The following ANO4 variants were observed in gnomAD, a reference collection of about 807,000 sequenced individuals.
ANO4 encodes anoctamin-4.
A neutral mutation model predicts 141.9 loss-of-function variants in ANO4; 69 were observed. The ratio of observed to expected loss-of-function variants is 0.49; its 90% CI spans 0.40 to 0.59. The LOEUF (loss-of-function observed/expected upper bound fraction) is 0.59. Among genes scored for constraint, ANO4 ranks in the 20% least tolerant of loss-of-function variants. The probability of loss-of-function intolerance (pLI) is 0.00; values close to 1 mark genes in which losing one functional copy is unlikely to be tolerated. For synonymous variants in ANO4, 350 were observed against 394.3 expected (o/e 0.89, Z 1.33); for missense variants, 894 against 1,162.2 (o/e 0.77, Z 3.36).
chr12:100,768,410 G>A (rs78484234), intron 3 of ANO4, among the ~76,000 whole-genome samples: 2,575 of 152,282 alleles, frequency 0.017, 36 homozygotes, highest in Non-Finnish European at 0.027. Flanking sequence ...CTTGACTCTT[G>A]TGAAGGTATT....
chr12:100,938,825 T>G (rs1352128010), intron 3 of ANO4, among the ~76,000 whole-genome samples: 1 of 152,192 alleles, frequency 6.6e-6, no homozygotes, highest in Admixed American at 6.5e-5. Context: ...CTGTTCTGTC[T>G]TAGAGAAGTA....
chr12:101,023,418 C>T (rs2046612134), intron 9 of ANO4, among the ~76,000 whole-genome samples: 1 of 152,192 alleles, frequency 6.6e-6, no homozygotes, highest in African/African-American at 2.4e-5. Context: ...TGCCTGGAAT[C>T]CCAGAACTTT....
At chr12:101,118,610 A>G (rs1178041997) in intron 25 of ANO4, among the ~76,000 whole-genome samples, 1 of 152,206 alleles carries the variant, frequency 6.6e-6, no homozygotes, top group Non-Finnish European at 1.5e-5. Flanking sequence ...ACCTGGGAAG[A>G]ATATTTGGTA....
intron 1 of ANO4, among the ~76,000 whole-genome samples, chr12:100,880,203 A>G (rs959866878): frequency 6.6e-6 from 1 of 152,156 alleles, no homozygotes; most frequent in Non-Finnish European, 1.5e-5. Context: ...AGTTTGAAGA[A>G]CATCTCAAAA....
chr12:100,962,055 T>C (rs2043448312), intron 5 of ANO4, among the ~76,000 whole-genome samples: 1 of 152,202 alleles, frequency 6.6e-6, no homozygotes, highest in Admixed American at 6.5e-5. Context: ...TAATGAAATG[T>C]GTGAAGATTT....
At chr12:101,068,317 C>A in intron 14 of ANO4, 1 of 1,276,180 alleles carries the variant, frequency 7.8e-7, no homozygotes. Context: ...AGGCTGACTT[C>A]AATGGTCCTT....
intron 25 of ANO4, among the ~76,000 whole-genome samples, chr12:101,119,121 T>C (rs1454561395): frequency 6.6e-6 from 1 of 152,054 alleles, no homozygotes; most frequent in South Asian, 2.1e-4. Context: ...CTATCATTGA[T>C]GGAGCTTTCT....
intron 3 of ANO4, among the ~76,000 whole-genome samples, chr12:100,784,562 G>A (rs115557695): frequency 9.2e-5 from 14 of 152,202 alleles, no homozygotes; most frequent in African/African-American, 3.4e-4. Context: ...TGATTCTCTC[G>A]TTTTTACTCT....
At chr12:100,867,422 G>A (rs1307418681) in intron 1 of ANO4, among the ~76,000 whole-genome samples, 1 of 152,154 alleles carries the variant, frequency 6.6e-6, no homozygotes, top group Non-Finnish European at 1.5e-5. Context: ...TCCAAAGGCA[G>A]GAGAAAACTG....
intron 1 of ANO4, among the ~76,000 whole-genome samples, chr12:100,728,100 A>G (rs1035829212): frequency 2.6e-5 from 4 of 152,068 alleles, no homozygotes; most frequent in African/African-American, 9.7e-5. Context: ...ATTATTTTAT[A>G]TTGACAGTAG....
intron 24 of ANO4, among the ~76,000 whole-genome samples, chr12:101,112,792 A>G (rs2050711684): frequency 6.6e-6 from 1 of 152,250 alleles, no homozygotes. Flanking sequence ...AAAGCTCACA[A>G]TCCAGTTATT....
At chr12:100,733,344 A>G (rs1482129830) in intron 1 of ANO4, among the ~76,000 whole-genome samples, 1 of 151,922 alleles carries the variant, frequency 6.6e-6, no homozygotes, top group African/African-American at 2.4e-5. Flanking sequence ...CCCTCAATTC[A>G]TCCACTTTTT....
intron 2 of ANO4, among the ~76,000 whole-genome samples, chr12:100,911,517 T>TG (rs1233292353): frequency 1.3e-5 from 2 of 152,236 alleles, no homozygotes; most frequent in African/African-American, 4.8e-5. Flanking sequence ...TTTCCTTCAG[T>TG]GTAAGTGATG....
chr12:100,832,401 T>C (rs1375753229), intron 1 of ANO4, among the ~76,000 whole-genome samples: 1 of 151,982 alleles, frequency 6.6e-6, no homozygotes, highest in Admixed American at 6.6e-5. Flanking sequence ...AGCAAAACAA[T>C]AGTTTCTGTG....
At chr12:100,986,430 G>A (rs766314459) in intron 7 of ANO4, among the ~76,000 whole-genome samples, 1 of 152,040 alleles carries the variant, frequency 6.6e-6, no homozygotes, top group Non-Finnish European at 1.5e-5. Flanking sequence ...ACCTGTGTTG[G>A]TGAGGACCAA....
intron 13 of ANO4, among the ~76,000 whole-genome samples, chr12:101,045,980 C>G (rs1350265284): frequency 6.6e-6 from 1 of 152,142 alleles, no homozygotes; most frequent in Non-Finnish European, 1.5e-5. Context: ...CCATATATTT[C>G]ATTATTTTGG....
At position 101,088,426 on chromosome 12, in the gene ANO4, C is replaced by T. The variant is rs186526208; in HGVS notation, c.1701+1602C>T. Among the ~76,000 whole-genome samples, 251 of 152,166 alleles carry T rather than the reference C, an allele frequency of 1.6e-3. 1 individual carries two copies. The highest frequency in any genetic ancestry group is 3.4e-3 in the Middle Eastern group (1 of 294). ...TTTTTTCTATAGCATTTATCACCAT[C>T]TAATATGCTATATATTTTACTTATT... On this transcript the variant is annotated intron_variant, in intron 17 of 27. Coordinates refer to ENST00000392977, the MANE Select transcript of ANO4 (RefSeq NM_001286615.2).
upstream of ANO4, among the ~76,000 whole-genome samples, chr12:100,792,668 G>C (rs2034086633): frequency 6.6e-6 from 1 of 152,112 alleles, no homozygotes; most frequent in African/African-American, 2.4e-5. Flanking sequence ...TCATATAGAT[G>C]TGCAGTTACT....
chr12:101,057,120 C>T (rs1265679631), intron 14 of ANO4, among the ~76,000 whole-genome samples: 1 of 151,610 alleles, frequency 6.6e-6, no homozygotes, highest in African/African-American at 2.4e-5. Flanking sequence ...TTTTCTCTTC[C>T]TATGTTAGTT....
Sources: allele counts gnomAD v4.1 joint callset (sites outside exome capture counted in the v4.1 genomes callset), GRCh38; gene constraint gnomAD v4.1.1; transcripts MANE v1.5; gene names NCBI Gene and HGNC (gene_info 2026-07-23, HGNC 2026-07-21).